The following CCL18 variants were observed in gnomAD, a reference collection of about 807,000 sequenced individuals.
CCL18 encodes C-C motif chemokine ligand 18.
In CCL18, 7 loss-of-function variants were observed where a neutral mutation model predicts 8.0. The observed-to-expected ratio is 0.87, with a 90% CI of 0.50 to 1.64. The LOEUF (loss-of-function observed/expected upper bound fraction) is 1.64, where lower values mean the gene tolerates loss of function less well. Ranked by LOEUF, CCL18 falls within the 40% of genes most tolerant of loss-of-function variation. The probability of loss-of-function intolerance (pLI) is 0.00; values close to 1 mark genes in which losing one functional copy is unlikely to be tolerated. For missense variants in CCL18, 95 were observed against 107.8 expected (o/e 0.88, Z 0.52); for synonymous variants, 35 against 41.3 (o/e 0.85, Z 0.59).
intron 1 of CCL18, among the ~76,000 whole-genome samples, chr17:36,070,134 A>G (rs924701598): frequency 2.0e-5 from 3 of 152,272 alleles, no homozygotes; most frequent in Admixed American, 2.0e-4. Flanking sequence ...GTCCTTATGA[A>G]TTCAGATGGA....
At position 36,070,489 on chromosome 17, in the gene CCL18, G is replaced by A. The variant is rs758345356; in HGVS notation, c.110G>A (p.Trp37Ter). ...CTCTGCTGCCTCGTCTATACCTCCT[G>A]GCAGATTCCACAAAAGTTCATAGTT... ...KELCCLVYTS[W>*]QIPQKFIVDY... The change falls in exon 2 of 3, where the codon TGG becomes TAG. Residue 37 changes from tryptophan to a stop codon, truncating the protein, a stop_gained. Transcript: ENST00000616054. LOFTEE classifies it high-confidence loss of function. The A allele has an allele frequency of 3.7e-6, 6 of 1,613,930 alleles. No individual in the cohort carries two copies. The South Asian group carries it at 5.5e-5, about 15-fold the overall frequency.
At chr17:36,070,163 G>T (rs975966411) in intron 1 of CCL18, among the ~76,000 whole-genome samples, 7 of 152,166 alleles carry the variant, frequency 4.6e-5, no homozygotes, top group Non-Finnish European at 1.0e-4. Flanking sequence ...AGGAGAGATG[G>T]GATGGGAAAT....
At position 36,071,627 on chromosome 17, in the gene CCL18, C is replaced by G. The variant is rs192219762; in HGVS notation, c.*586C>G. 6.6e-5 allele frequency: 10 copies of G among 152,398 alleles called. No individual in the cohort carries two copies. Among genetic ancestry groups the G allele is most frequent in the Admixed American group, 4.6e-4 (7 of 15,314 alleles). 9.4% of individuals were successfully genotyped at this position (152,398 alleles called of 1,614,324 possible). On this transcript the variant is annotated 3_prime_UTR_variant, in exon 3 of 3. Coordinates refer to ENST00000616054, the MANE Select transcript of CCL18 (RefSeq NM_002988.4). ...CATACCAGACATTTCCCTGGAGATA[C>G]TTTCCTGAAAAGTTGAAACAGACAC...
Position 36,071,073 on chromosome 17 carries a change from T to C in CCL18, c.*32T>C. ...TGGAAGCTGCGAGGGCCCAGTGAACTTGGTGGGCCCAGGAGGGAACAGGAG... is the reference window on the plus strand; with the variant it reads ...TGGAAGCTGCGAGGGCCCAGTGAACCTGGTGGGCCCAGGAGGGAACAGGAG... On this transcript the variant is annotated 3_prime_UTR_variant, in exon 3 of 3. Transcript: ENST00000616054. 2.0e-6 allele frequency: 3 copies of C among 1,517,182 alleles called. No individual in the cohort carries two copies. Among genetic ancestry groups the C allele is most frequent in the South Asian group, 2.3e-5 (2 of 88,454 alleles). 94.0% of individuals were successfully genotyped at this position (1,517,182 alleles called of 1,614,324 possible). A position where few individuals can be genotyped will look rare whatever the true frequency, so the allele number is the denominator to read the frequency against.
Position 36,070,533 on chromosome 17 carries a change from C to A in CCL18, c.154C>A (p.Pro52Thr), listed in dbSNP as rs768648633. 2.5e-6 allele frequency: 4 copies of A among 1,612,304 alleles called. No homozygotes were observed. Among genetic ancestry groups the A allele is most frequent in the Admixed American group, 3.3e-5 (2 of 60,022 alleles). The change falls in exon 2 of 3, where the codon CCC becomes ACC. Residue 52 changes from proline (P) to threonine (T), a missense_variant. Transcript: ENST00000616054. ...CATAGTTGACTATTCTGAAACCAGC[C>A]CCCAGTGCCCCAAGCCAGGTGTCAT... ...KFIVDYSETS[P>T]QCPKPGVILL...
rs566482321 is a variant in CCL18 at position 36,070,897 on chromosome 17, C to T, written c.180-54C>T. 5.1e-5 allele frequency: 67 copies of T among 1,324,648 alleles called. No homozygotes were observed. The East Asian group carries it at 6.4e-4, about 13-fold the overall frequency. 82.1% of individuals were successfully genotyped at this position (1,324,648 alleles called of 1,614,324 possible). On this transcript the variant is annotated intron_variant, in intron 2 of 2. Transcript: ENST00000616054. Reference sequence around the variant, plus strand: ...GGGACAGAGAAGGACGCAGGGGCCACAGGATTCCCCTGATGAATTCGTCAG... The same window carrying T: ...GGGACAGAGAAGGACGCAGGGGCCATAGGATTCCCCTGATGAATTCGTCAG...
chr17:36,065,988 G>A (rs1247071459), intron 1 of CCL18, among the ~76,000 whole-genome samples: 5 of 152,128 alleles, frequency 3.3e-5, no homozygotes, highest in Non-Finnish European at 5.9e-5. Context: ...AAGGAACTCT[G>A]CCACTTCCTC....
At chr17:36,070,375 G>T in intron 1 of CCL18, 72 bp from the exon 2 acceptor site, 2 of 893,092 alleles carry the variant, frequency 2.2e-6, no homozygotes, top group Non-Finnish European at 3.7e-6. Flanking sequence ...TGACTCTCAA[G>T]GAAAGGGACC....
At chr17:36,064,863 C>T (rs970279823) in intron 1 of CCL18, among the ~76,000 whole-genome samples, 11 of 152,270 alleles carry the variant, frequency 7.2e-5, no homozygotes, top group South Asian at 6.2e-4. Flanking sequence ...GAGCTTGATT[C>T]CCTGTAGCGT....
rs754242688 is a variant in CCL18 at position 36,070,565 on chromosome 17, G to C, written c.179+7G>C. On this transcript the variant is annotated splice_region_variant and intron_variant, in intron 2 of 2. Transcript: ENST00000616054. ...GCCCCAAGCCAGGTGTCATGTAAGT[G>C]CCAGTGCTCCTGCCCACCCCTCGGG... is the stretch of plus-strand genomic sequence containing the variant. 1 of 1,549,396 alleles carries C rather than the reference G, an allele frequency of 6.5e-7. No homozygotes were observed. Among genetic ancestry groups the C allele is most frequent in the Non-Finnish European group, 8.9e-7 (1 of 1,121,014 alleles).
chr17:36,066,825 G>C (rs986261600), intron 1 of CCL18, among the ~76,000 whole-genome samples: 1 of 152,158 alleles, frequency 6.6e-6, no homozygotes, highest in African/African-American at 2.4e-5. Flanking sequence ...ACCACACCCT[G>C]GGTGAAAAGG....
intron 1 of CCL18, among the ~76,000 whole-genome samples, chr17:36,065,760 T>A (rs1162901943): frequency 2.6e-5 from 4 of 152,176 alleles, no homozygotes; most frequent in Non-Finnish European, 5.9e-5. Context: ...ACTAAGGAAG[T>A]CAGGCATTCA....
At chr17:36,064,590 G>A (rs1188365972) in intron 1 of CCL18, among the ~76,000 whole-genome samples, 181 bp downstream of exon 1, 1 of 152,210 alleles carries the variant, frequency 6.6e-6, no homozygotes, top group Non-Finnish European at 1.5e-5. Flanking sequence ...GCAGCAGGAT[G>A]GGAGTCAGAG....
At chr17:36,070,609 G>T in intron 2 of CCL18, 51 bp downstream of exon 2, 5 of 1,148,970 alleles carry the variant, frequency 4.4e-6, no homozygotes, top group Non-Finnish European at 6.6e-6. Flanking sequence ...TGGGAGGTTT[G>T]GGGTGAGGTC....
intron 1 of CCL18, among the ~76,000 whole-genome samples, chr17:36,065,875 C>T (rs2066834317): frequency 1.3e-5 from 2 of 152,314 alleles, no homozygotes; most frequent in South Asian, 4.1e-4. Flanking sequence ...GCCTTTGTTC[C>T]ATCTCTTTTG....
In CCL18 at chr17:36,071,130, G is replaced by T; in HGVS notation, c.*89G>T. On this transcript the variant is annotated 3_prime_UTR_variant, in exon 3 of 3. Transcript: ENST00000616054. ...CCAGGGCAATGGCCCTGCCACCCTG[G>T]AGGCTACCTCTTCTAAGAGTCCCAT... 1.2e-6 allele frequency: 1 copy of T among 815,538 alleles called. No individual in the cohort carries two copies. Among genetic ancestry groups the T allele is most frequent in the East Asian group, 2.5e-5 (1 of 40,324 alleles). The allele number at this position is 815,538 out of a possible 1,614,324, so 50.5% of individuals were successfully genotyped here.
chr17:36,067,586 C>G (rs561838691), intron 1 of CCL18, among the ~76,000 whole-genome samples: 2 of 152,196 alleles, frequency 1.3e-5, no homozygotes, highest in East Asian at 3.9e-4. Context: ...ACTCAGGAGG[C>G]TGAGGTAGGA....
Position 36,067,507 on chromosome 17 carries a change from T to A in CCL18, c.68-2940T>A, listed in dbSNP as rs1034215759. Among the ~76,000 whole-genome samples the A allele has an allele frequency of 4.6e-5, 7 of 152,244 alleles. No individual in the cohort carries two copies. In the South Asian group the frequency reaches 1.0e-3, roughly 23 times the overall value. Reference sequence around the variant, plus strand: ...TTCGAGACCAGCCTGGCCAACATGGTGAAACCTCATCTTCACTAAAAATAC... The same window carrying A: ...TTCGAGACCAGCCTGGCCAACATGGAGAAACCTCATCTTCACTAAAAATAC... On this transcript the variant is annotated intron_variant, in intron 1 of 2. Coordinates refer to ENST00000616054, the MANE Select transcript of CCL18 (RefSeq NM_002988.4).
chr17:36,067,978 C>T (rs1598792378), intron 1 of CCL18, among the ~76,000 whole-genome samples: 1 of 152,074 alleles, frequency 6.6e-6, no homozygotes, highest in East Asian at 1.9e-4. Flanking sequence ...TTGCAGTTGC[C>T]TACAGTATTC....
Sources: gnomAD v4.1 joint callset for allele counts (sites outside exome capture counted in the v4.1 genomes callset) on GRCh38, gnomAD v4.1.1 for gene constraint, MANE v1.5 for transcripts, NCBI Gene and HGNC (gene_info 2026-07-23, HGNC 2026-07-21) for gene names.